Variants in SEL1L2 observed in about 807,000 individuals in gnomAD.
SEL1L2 encodes the protein SEL1L2 adaptor subunit of SYVN1 ubiquitin ligase.
Under a neutral mutation model 98.8 loss-of-function variants are expected in SEL1L2, and 89 were observed. That is an observed-to-expected ratio of 0.90 (90% CI 0.76 to 1.07). The LOEUF is 1.07. Ranked by LOEUF, SEL1L2 falls within the 50% of genes least tolerant of loss-of-function variation. The probability of loss-of-function intolerance (pLI) is 0.00; values close to 1 mark genes in which losing one functional copy is unlikely to be tolerated. For missense variants in SEL1L2, 788 were observed against 812.0 expected, an observed-to-expected ratio of 0.97 and a Z score of 0.36; for synonymous variants, 262 against 278.5, an observed-to-expected ratio of 0.94 and a Z score of 0.59.
intron 5 of SEL1L2, among the ~76,000 whole-genome samples, chr20:13,900,523 C>T (rs943854290): frequency 6.6e-6 from 1 of 152,114 alleles, no homozygotes; most frequent in African/African-American, 2.4e-5. Context: ...ACAGTTGGAT[C>T]CAGAGATGGC....
chr20:13,897,794 G>C (rs564954069), intron 5 of SEL1L2, among the ~76,000 whole-genome samples: 6 of 152,226 alleles, frequency 3.9e-5, no homozygotes, highest in African/African-American at 1.4e-4. Context: ...GAACCCAAAA[G>C]GTGGAGGTTG....
chr20:13,861,659 G>A (rs1356617944), intron 17 of SEL1L2, among the ~76,000 whole-genome samples: 16 of 152,104 alleles, frequency 1.1e-4, no homozygotes, highest in Admixed American at 1.0e-3. Flanking sequence ...GCTAGAGGAT[G>A]ATCTTTTTAA....
intron 1 of SEL1L2, among the ~76,000 whole-genome samples, chr20:13,977,682 A>C (rs2051610404): frequency 6.6e-6 from 1 of 152,184 alleles, no homozygotes; most frequent in Non-Finnish European, 1.5e-5. Context: ...ATGAGTATTT[A>C]TGTGTTCTGC....
chr20:13,959,240 G>A (rs1324187102), intron 1 of SEL1L2, among the ~76,000 whole-genome samples: 3 of 152,250 alleles, frequency 2.0e-5, no homozygotes, highest in Admixed American at 6.5e-5. Flanking sequence ...GATGGGCAAC[G>A]AAAAGGGGAT....
intron 1 of SEL1L2, among the ~76,000 whole-genome samples, chr20:13,984,019 CTT>C (rs11475402): frequency 0.019 from 2,550 of 132,102 alleles, 44 homozygotes; most frequent in African/African-American, 0.056. Flanking sequence ...AATCAGATTC[CTT>C]TTTTTTTTTT....
At chr20:13,970,124 A>T (rs1373147287) in intron 1 of SEL1L2, among the ~76,000 whole-genome samples, 1 of 151,732 alleles carries the variant, frequency 6.6e-6, no homozygotes, top group African/African-American at 2.4e-5. Context: ...ACAGCATGTC[A>T]TTCTGCTGCT....
At chr20:13,895,911 G>T (rs932019407) in intron 5 of SEL1L2, among the ~76,000 whole-genome samples, 1 of 152,158 alleles carries the variant, frequency 6.6e-6, no homozygotes, top group Non-Finnish European at 1.5e-5. Context: ...GGTGGCTCAC[G>T]CCTGTAATCC....
chr20:13,951,013 A>G (rs1197910583), intron 2 of SEL1L2, among the ~76,000 whole-genome samples: 2 of 152,158 alleles, frequency 1.3e-5, no homozygotes, highest in African/African-American at 4.8e-5. Flanking sequence ...GCGGTGGCTC[A>G]CACCTGTAAT....
rs562575804 is a variant in SEL1L2 at position 13,853,306 on chromosome 20, C to T, written c.1819-2987G>A. Among the ~76,000 whole-genome samples, 12 of 152,130 alleles carry T rather than the reference C, an allele frequency of 7.9e-5. No homozygotes were observed. In the South Asian group the frequency reaches 2.1e-3, roughly 26 times the overall value. ...CTCCACCTCCAGGGCTTGAGCGATC[C>T]TCCCATCTGGGCTTCCTGAGTAGCT... On this transcript the variant is annotated intron_variant, in intron 18 of 19. Coordinates refer to ENST00000284951, the MANE Select transcript of SEL1L2 (RefSeq NM_025229.2).
intron 2 of SEL1L2, among the ~76,000 whole-genome samples, chr20:13,948,619 C>G (rs1247086050): frequency 2.0e-5 from 3 of 152,146 alleles, no homozygotes. Flanking sequence ...GTATCAAAGA[C>G]CTAAATACAA....
chr20:13,954,732 G>A (rs914096881), intron 2 of SEL1L2, among the ~76,000 whole-genome samples: 1 of 152,152 alleles, frequency 6.6e-6, no homozygotes, highest in African/African-American at 2.4e-5. Context: ...TTCTCAAGCA[G>A]TAAGAGGATT....
chr20:13,873,936 A>G (rs1600546636), intron 12 of SEL1L2, among the ~76,000 whole-genome samples: 1 of 152,160 alleles, frequency 6.6e-6, no homozygotes, highest in Non-Finnish European at 1.5e-5. Flanking sequence ...GAAGCAGTTA[A>G]ATCCCAGCAG....
At chr20:13,888,664 A>T (rs1187473744) in intron 5 of SEL1L2, 152 bp from the exon 6 acceptor site, 7 of 428,008 alleles carry the variant, frequency 1.6e-5, no homozygotes, top group Non-Finnish European at 2.7e-5. Flanking sequence ...TTTGAGACAG[A>T]GTCTCACTCT....
intron 15 of SEL1L2, among the ~76,000 whole-genome samples, chr20:13,865,840 T>TGTGTGTGC (rs1368802003): frequency 2.0e-5 from 3 of 151,840 alleles, no homozygotes; most frequent in African/African-American, 7.3e-5. Flanking sequence ...TCTGTGTGTG[T>TGTGTGTGC]GTGTGTGTGT....
chr20:13,880,555 C>T (rs68068603), intron 10 of SEL1L2, among the ~76,000 whole-genome samples: 15,444 of 152,052 alleles, frequency 0.1, 895 homozygotes, highest in East Asian at 0.2. Flanking sequence ...TGGATATACA[C>T]GAGCCAACCT....
At chr20:13,965,286 C>T (rs550904973) in intron 1 of SEL1L2, among the ~76,000 whole-genome samples, 2 of 152,290 alleles carry the variant, frequency 1.3e-5, no homozygotes, top group African/African-American at 4.8e-5. Context: ...AGAGGTCAAC[C>T]TGGCAACGAG....
chr20:13,861,979 G>C (rs993029991), intron 17 of SEL1L2, among the ~76,000 whole-genome samples: 1 of 152,120 alleles, frequency 6.6e-6, no homozygotes, highest in Non-Finnish European at 1.5e-5. Flanking sequence ...TCATCTCCAT[G>C]TTTTATTTCC....
intron 2 of SEL1L2, among the ~76,000 whole-genome samples, chr20:13,948,598 T>C (rs910493467): frequency 1.3e-5 from 2 of 152,188 alleles, no homozygotes; most frequent in African/African-American, 4.8e-5. Flanking sequence ...ATACAAAAGT[T>C]AACTCAAAAT....
chr20:13,899,531 A>G (rs1018895675), intron 5 of SEL1L2, among the ~76,000 whole-genome samples: 2 of 152,224 alleles, frequency 1.3e-5, no homozygotes, highest in Non-Finnish European at 2.9e-5. Context: ...TCAACAAGAA[A>G]GTCAAAGCCT....
Sources: gnomAD v4.1 joint callset for allele counts (sites outside exome capture counted in the v4.1 genomes callset) on GRCh38, gnomAD v4.1.1 for gene constraint, MANE v1.5 for transcripts, NCBI Gene and HGNC (gene_info 2026-07-23, HGNC 2026-07-21) for gene names.